Variants in NARS2 observed in about 807,000 individuals in gnomAD.
The protein encoded by NARS2 is asparaginyl-tRNA synthetase.
In NARS2, 60 loss-of-function variants were observed where a neutral mutation model predicts 62.9. The observed-to-expected ratio is 0.95, with a 90% CI of 0.77 to 1.18. The LOEUF (loss-of-function observed/expected upper bound fraction) is 1.18, where lower values mean the gene tolerates loss of function less well. NARS2 is among the 50% of genes most tolerant of loss of function. The pLI is 0.00. For missense variants in NARS2, 619 were observed against 576.4 expected (o/e 1.07, Z -0.76); for synonymous variants, 196 against 200.0 (o/e 0.98, Z 0.17).
intron 12 of NARS2, among the ~76,000 whole-genome samples, chr11:78,443,242 C>T (rs934313104): frequency 2.0e-5 from 3 of 150,144 alleles, no homozygotes; most frequent in Non-Finnish European, 4.4e-5. Context: ...AGGAGAATGG[C>T]GTGAACCCCG....
At position 78,571,380 on chromosome 11, in the gene NARS2, G is replaced by A. The variant is rs149009700; in HGVS notation, c.206C>T (p.Ser69Phe). Reference sequence around the variant, plus strand: ...TGCAACAACCTGAAGGCTTTCCAAAGATGACCCATCATTTACATGCAGGAA... The same window carrying A: ...TGCAACAACCTGAAGGCTTTCCAAAAATGACCCATCATTTACATGCAGGAA... ...VLFLHVNDGSSLESLQVVADS... is the reference protein window; with the variant it reads ...VLFLHVNDGSFLESLQVVADS... Residue 69 changes from serine (S) to phenylalanine (F), a missense_variant, in exon 2 of 14, where the codon TCT becomes TTT. Coordinates refer to ENST00000281038, the MANE Select transcript of NARS2 (RefSeq NM_024678.6). 15 of 1,613,736 alleles carry A rather than the reference G, an allele frequency of 9.3e-6. No individual in the cohort carries two copies. Among genetic ancestry groups the A allele is most frequent in the Non-Finnish European group, 1.2e-5 (14 of 1,179,924 alleles).
At chr11:78,492,956 C>G (rs1336929093) in intron 7 of NARS2, 107 bp downstream of exon 7, 5 of 969,614 alleles carry the variant, frequency 5.2e-6, no homozygotes, top group Non-Finnish European at 7.7e-6. Context: ...GTTACCCCTT[C>G]TTTTCACTTT....
chr11:78,522,020 C>CATAG (rs1290004128), intron 6 of NARS2, among the ~76,000 whole-genome samples: 2 of 152,132 alleles, frequency 1.3e-5, no homozygotes, highest in Admixed American at 1.3e-4. Context: ...GTGGCATAAT[C>CATAG]ATAGCTTACT....
chr11:78,486,718 C>T (rs920853625), intron 7 of NARS2, among the ~76,000 whole-genome samples: 2 of 152,004 alleles, frequency 1.3e-5, no homozygotes, highest in Non-Finnish European at 2.9e-5. Context: ...TAAAAATTAC[C>T]GGACATACAA....
At chr11:78,508,935 C>A (rs1403137624) in intron 6 of NARS2, among the ~76,000 whole-genome samples, 1 of 151,680 alleles carries the variant, frequency 6.6e-6, no homozygotes, top group Non-Finnish European at 1.5e-5. Context: ...GCCAACAGGA[C>A]GACATCCTGT....
chr11:78,558,982 T>TAAGA (rs1475470495), intron 5 of NARS2, among the ~76,000 whole-genome samples: 2 of 152,024 alleles, frequency 1.3e-5, no homozygotes, highest in Admixed American at 6.6e-5. Context: ...CACAGTAACT[T>TAAGA]AAGAAAAGTA....
chr11:78,480,834 T>C (rs896081515), intron 7 of NARS2, among the ~76,000 whole-genome samples: 4 of 152,010 alleles, frequency 2.6e-5, no homozygotes, highest in Non-Finnish European at 5.9e-5. Context: ...TTTTTTTTTT[T>C]CTAAGACAGA....
intron 5 of NARS2, chr11:78,546,568 A>C (rs1310328382): frequency 6.6e-6 from 1 of 152,222 alleles, no homozygotes. Context: ...TTCTTTGTTC[A>C]CCACTTTTCC....
rs1590881062 is a variant in NARS2 at position 78,571,612 on chromosome 11, C to T, written c.142-168G>A. The T allele has an allele frequency of 7.3e-6, 4 of 547,608 alleles. No homozygotes were observed. In the East Asian group the frequency reaches 8.5e-5, roughly 12 times the overall value. 33.9% of individuals were successfully genotyped at this position (547,608 alleles called of 1,614,324 possible). On this transcript the variant is annotated intron_variant, in intron 1 of 13. Coordinates refer to ENST00000281038, the MANE Select transcript of NARS2 (RefSeq NM_024678.6). ...TACTTAATTTTATATGTTCCAATCA[C>T]AATAGGATACACACTTTGGTATTCT... is the stretch of plus-strand genomic sequence containing the variant.
intron 9 of NARS2, among the ~76,000 whole-genome samples, chr11:78,472,482 C>G (rs1486599341): frequency 6.6e-6 from 1 of 152,126 alleles, no homozygotes; most frequent in Admixed American, 6.5e-5. Context: ...GGTAAGTACT[C>G]TACATTTTCA....
At chr11:78,531,989 A>G (rs1861497753) in intron 5 of NARS2, among the ~76,000 whole-genome samples, 1 of 152,212 alleles carries the variant, frequency 6.6e-6, no homozygotes, top group Admixed American at 6.5e-5. Context: ...ACTAAATGCC[A>G]CTGAAATGTA....
chr11:78,472,544 A>G (rs1463695825), intron 9 of NARS2, among the ~76,000 whole-genome samples: 1 of 152,250 alleles, frequency 6.6e-6, no homozygotes, highest in Non-Finnish European at 1.5e-5. Context: ...CAATTTCTGC[A>G]TAAAGGCTAA....
rs974610887 is a variant in NARS2, at chr11:78,487,383, AAG to A, written c.822+5678_822+5679del. ...AAAAAAAAAAAAAGAAAGAAAGAAA[AAG>A]AGAGAGAGAGAGAAAGAAAGAAAGA... is the stretch of plus-strand genomic sequence containing the variant. On this transcript the variant is annotated intron_variant, in intron 7 of 13. Coordinates refer to ENST00000281038, the MANE Select transcript of NARS2 (RefSeq NM_024678.6). 9.9e-5 allele frequency among the ~76,000 whole-genome samples: 15 copies of A among 151,066 alleles called. No individual in the cohort carries two copies. The East Asian group carries it at 1.7e-3, about 18-fold the overall frequency.
chr11:78,523,607 T>C (rs562011703), intron 6 of NARS2, among the ~76,000 whole-genome samples: 1 of 152,262 alleles, frequency 6.6e-6, no homozygotes, highest in South Asian at 2.1e-4. Flanking sequence ...TATATGCCCA[T>C]GTAATGGAAT....
intron 3 of NARS2, 33 bp from the exon 4 acceptor site, chr11:78,566,305 C>G: frequency 6.5e-7 from 1 of 1,539,572 alleles, no homozygotes. Context: ...AATTAGAAGT[C>G]AAAAGAGATA....
intron 9 of NARS2, among the ~76,000 whole-genome samples, chr11:78,470,782 A>G (rs1196239294): frequency 1.3e-5 from 2 of 152,142 alleles, no homozygotes. Context: ...AGGTTTTGCC[A>G]AAGATATTGC....
chr11:78,478,647 C>A lies in NARS2; in HGVS notation c.859G>T (p.Val287Phe). Residue 287 changes from valine (V) to phenylalanine (F), a missense_variant, in exon 8 of 14, where the codon GTT (valine) becomes TTT (phenylalanine). Physicochemically the swap from Val to Phe is conservative, Grantham distance 50. Coordinates refer to ENST00000281038, the MANE Select transcript of NARS2 (RefSeq NM_024678.6). Reference sequence around the variant, plus strand: ...ACATCTTCAGGACATTTTGAGAGAACCATCATTGTTGTAGCCTTGAACAGT... The same window carrying A: ...ACATCTTCAGGACATTTTGAGAGAAACATCATTGTTGTAGCCTTGAACAGT... ...EELFKATTMM[V>F]LSKCPEDVEL... 6.2e-7 allele frequency: 1 copy of A among 1,611,910 alleles called. No homozygotes were observed. Among genetic ancestry groups the A allele is most frequent in the Non-Finnish European group, 8.5e-7 (1 of 1,178,806 alleles).
In NARS2 at chr11:78,509,946, A is replaced by G. The variant is rs117267752; in HGVS notation, c.690-16751T>C. Among the ~76,000 whole-genome samples, 803 of 152,172 alleles carry G rather than the reference A, an allele frequency of 5.3e-3. 3 individuals are homozygous for G. Among genetic ancestry groups the G allele is most frequent in the African/African-American group, 0.015 (638 of 41,522 alleles). ...GTTATAATTTTAGGATCTTCAATGT[A>G]CTCTCCATGGTAACGACAAAGAAAA... is the stretch of plus-strand genomic sequence containing the variant. On this transcript the variant is annotated intron_variant, in intron 6 of 13. Coordinates refer to ENST00000281038, the MANE Select transcript of NARS2 (RefSeq NM_024678.6).
In NARS2 at chr11:78,559,528, G is replaced by T. The variant is rs770679770; in HGVS notation, c.594+11C>A. The T allele has an allele frequency of 2.5e-6, 4 of 1,581,426 alleles. No homozygotes were observed. The highest frequency in any genetic ancestry group is 1.7e-5 in the Admixed American group (1 of 59,916). On this transcript the variant is annotated intron_variant, in intron 5 of 13. Transcript: ENST00000281038. ...AGCAATGTACCCCTCAAGATGGGAA[G>T]CAAAACTTACTTCAAGTTGAAAAAG... is the stretch of plus-strand genomic sequence containing the variant.
Sources: allele counts gnomAD v4.1 joint callset (sites outside exome capture counted in the v4.1 genomes callset), GRCh38; gene constraint gnomAD v4.1.1; transcripts MANE v1.5; gene names NCBI Gene and HGNC (gene_info 2026-07-23, HGNC 2026-07-21).